DNAI7: variants seen among roughly 807,000 people sequenced by gnomAD.
DNAI7 encodes the protein dynein axonemal intermediate chain 7.
A neutral mutation model predicts 86.6 loss-of-function variants in DNAI7; 78 were observed. The observed-to-expected ratio is 0.90, with a 90% CI of 0.75 to 1.09. The LOEUF (loss-of-function observed/expected upper bound fraction) is 1.09, where lower values mean the gene tolerates loss of function less well. Ranked by LOEUF, DNAI7 falls within the 50% of genes least tolerant of loss-of-function variation. DNAI7 has a pLI of 0.00. For missense variants in DNAI7, 753 were observed against 810.2 expected (o/e 0.93, Z 0.86); for synonymous variants, 274 against 273.0 (o/e 1.00, Z -0.04).
At chr12:25,163,734 A>G (rs879600041) in intron 2 of DNAI7, among the ~76,000 whole-genome samples, 30 of 152,294 alleles carry the variant, frequency 2.0e-4, no homozygotes, top group Admixed American at 1.9e-3. Flanking sequence ...CCTCAGACCA[A>G]CCAGCCCAAG....
chr12:25,134,426 G>A (rs553454547), intron 9 of DNAI7, among the ~76,000 whole-genome samples: 29 of 125,648 alleles, frequency 2.3e-4, no homozygotes, highest in Non-Finnish European at 3.6e-4. Context: ...GCACAATCTC[G>A]GCTCATTGCA....
At chr12:25,155,270 G>A (rs1946023850) in intron 5 of DNAI7, 41 bp downstream of exon 5, 2 of 1,066,418 alleles carry the variant, frequency 1.9e-6, no homozygotes, top group African/African-American at 1.6e-5. Flanking sequence ...TCCCTCTTGT[G>A]GTGACAAAGG....
intron 9 of DNAI7, among the ~76,000 whole-genome samples, chr12:25,125,281 T>G (rs139269319): frequency 0.011 from 1,621 of 152,200 alleles, 8 homozygotes; most frequent in Non-Finnish European, 0.017. Context: ...ACCAGCAACT[T>G]TTATTTTTTG....
chr12:25,114,401 G>A (rs1939645939), intron 13 of DNAI7, among the ~76,000 whole-genome samples: 1 of 152,192 alleles, frequency 6.6e-6, no homozygotes, highest in Non-Finnish European at 1.5e-5. Context: ...TGGTTCATCA[G>A]TTGATCTATC....
At chr12:25,120,687 T>C (rs1941146032) in intron 11 of DNAI7, among the ~76,000 whole-genome samples, 1 of 152,044 alleles carries the variant, frequency 6.6e-6, no homozygotes, top group Admixed American at 6.5e-5. Flanking sequence ...ACAGCGCCAC[T>C]GCACTCCAGC....
intron 9 of DNAI7, among the ~76,000 whole-genome samples, chr12:25,126,596 T>G (rs1001247161): frequency 6.6e-5 from 10 of 151,644 alleles, no homozygotes; most frequent in African/African-American, 2.4e-4. Context: ...TTTAGGTAAT[T>G]AAGGTAGAGA....
Position 25,175,388 on chromosome 12 carries a change from A to G in DNAI7, c.22-14191T>C, listed in dbSNP as rs113677496. Among the ~76,000 whole-genome samples the G allele has an allele frequency of 1.4e-3, 211 of 152,028 alleles. 1 individual carries two copies. Among genetic ancestry groups the G allele is most frequent in the African/African-American group, 4.9e-3 (205 of 41,500 alleles). On this transcript the variant is annotated intron_variant, in intron 2 of 15. Transcript: ENST00000395987. ...TGCTTTTAAACTTTTCTTTTTTTTG[A>G]GACGGACTCTCGCTCTGTCATGCCA...
rs776942936 is a variant in DNAI7 at position 25,117,938 on chromosome 12, C to CTTTTTT, written c.1396+1201_1396+1206dup. Among the ~76,000 whole-genome samples the CTTTTTT allele has an allele frequency of 1.5e-4, 20 of 135,016 alleles. 1 individual carries two copies. The highest frequency in any genetic ancestry group is 2.3e-4 in the Admixed American group (3 of 12,864). The allele number at this position is 135,016 out of a possible 152,430, so 88.6% of individuals were successfully genotyped here. Reference sequence around the variant, plus strand: ...TAAACTATTTTGATATTTTCTTTTTCTTTTTTTTTTTTTTTTTGAGACGGA... The same window carrying CTTTTTT: ...TAAACTATTTTGATATTTTCTTTTTCTTTTTTTTTTTTTTTTTTTTTTTGAGACGGA... On this transcript the variant is annotated intron_variant, in intron 12 of 15. Transcript: ENST00000395987.
chr12:25,171,275 G>C (rs557621572), intron 2 of DNAI7, among the ~76,000 whole-genome samples: 1 of 152,162 alleles, frequency 6.6e-6, no homozygotes, highest in South Asian at 2.1e-4. Context: ...ATCTCACTAA[G>C]AAATGAAATG....
intron 2 of DNAI7, among the ~76,000 whole-genome samples, chr12:25,188,935 G>T (rs1007505066): frequency 1.3e-5 from 2 of 152,156 alleles, no homozygotes; most frequent in Non-Finnish European, 2.9e-5. Flanking sequence ...AGGCCCTCCA[G>T]AATGCTTGAA....
At chr12:25,112,562 A>G (rs1939136638) in intron 13 of DNAI7, among the ~76,000 whole-genome samples, 7 of 151,480 alleles carry the variant, frequency 4.6e-5, no homozygotes, top group Admixed American at 4.6e-4. Flanking sequence ...GCCCACCACC[A>G]CACCCGGCTA....
intron 9 of DNAI7, among the ~76,000 whole-genome samples, chr12:25,140,996 A>G (rs1944124328): frequency 6.6e-6 from 1 of 152,216 alleles, no homozygotes; most frequent in South Asian, 2.1e-4. Context: ...TGCTGGAATA[A>G]TGGGCAAGCC....
rs1275104809 is a variant in DNAI7 at position 25,169,846 on chromosome 12, T to TC, written c.22-8650dup. ...CTGGGTGACAGAGCAAGACTCTGTC[T>TC]CAAAAAAAAAAAAAAAAAGAAAAAA... is the stretch of plus-strand genomic sequence containing the variant. On this transcript the variant is annotated intron_variant, in intron 2 of 15. Coordinates refer to ENST00000395987, the MANE Select transcript of DNAI7 (RefSeq NM_018272.5). Among the ~76,000 whole-genome samples the TC allele has an allele frequency of 7.7e-3, 757 of 98,328 alleles. 8 individuals carry two copies. Among genetic ancestry groups the TC allele is most frequent in the African/African-American group, 0.046 (713 of 15,408 alleles). The allele number at this position is 98,328 out of a possible 152,430, so 64.5% of individuals were successfully genotyped here.
chr12:25,108,214 T>TC (rs370501468), downstream of DNAI7: 319 of 796,400 alleles, frequency 4.0e-4, 4 homozygotes, highest in African/African-American at 5.1e-3. Context: ...TGCCTTTATC[T>TC]CCCCAACTAA....
At chr12:25,110,543 A>C (rs1312693148) in intron 14 of DNAI7, among the ~76,000 whole-genome samples, 2 of 151,998 alleles carry the variant, frequency 1.3e-5, no homozygotes, top group East Asian at 3.9e-4. Context: ...CATGGTTTCC[A>C]TGGTGTCCCT....
intron 8 of DNAI7, among the ~76,000 whole-genome samples, chr12:25,145,852 T>A (rs914047343): frequency 1.3e-5 from 2 of 152,228 alleles, no homozygotes; most frequent in Non-Finnish European, 2.9e-5. Flanking sequence ...GTCACTGTCA[T>A]TCCTCAGAAA....
At chr12:25,134,184 C>T (rs569162112) in intron 9 of DNAI7, among the ~76,000 whole-genome samples, 38 of 151,408 alleles carry the variant, frequency 2.5e-4, no homozygotes, top group African/African-American at 8.3e-4. Flanking sequence ...TTAGTACAGA[C>T]GAGGTCTTGA....
chr12:25,116,778 A>C (rs534839580), intron 12 of DNAI7, among the ~76,000 whole-genome samples: 37 of 152,166 alleles, frequency 2.4e-4, no homozygotes, highest in African/African-American at 8.7e-4. Flanking sequence ...TACAAACATG[A>C]GCTACCATGC....
At chr12:25,123,568 A>C (rs1565653478) in intron 9 of DNAI7, among the ~76,000 whole-genome samples, 1 of 152,236 alleles carries the variant, frequency 6.6e-6, no homozygotes, top group Non-Finnish European at 1.5e-5. Flanking sequence ...AATGCAAGCT[A>C]TAAAAAATAT....
Sources: allele counts gnomAD v4.1 joint callset (sites outside exome capture counted in the v4.1 genomes callset), GRCh38; gene constraint gnomAD v4.1.1; transcripts MANE v1.5; gene names NCBI Gene and HGNC (gene_info 2026-07-23, HGNC 2026-07-21).